The following TSTD1 variants were observed in gnomAD, a reference collection of about 807,000 sequenced individuals.
TSTD1 encodes the protein thiosulfate sulfurtransferase like domain containing 1.
In TSTD1, 7 loss-of-function variants were observed where a neutral mutation model predicts 12.6. That is an observed-to-expected ratio of 0.55 (90% CI 0.32 to 1.04). TSTD1 has a LOEUF of 1.04. Ranked by LOEUF, TSTD1 falls within the 50% of genes least tolerant of loss-of-function variation. The pLI is 0.05. For synonymous variants in TSTD1, 73 were observed against 59.7 expected, an observed-to-expected ratio of 1.22 and a Z score of -1.03; for missense variants, 156 against 151.0, an observed-to-expected ratio of 1.03 and a Z score of -0.17.
In TSTD1 at chr1:161,038,599, G is replaced by C. The variant is rs1650334151; in HGVS notation, c.85C>G (p.Arg29Gly). ...ATGGTCCCAGCTGCCGCCTCCTCGC[G>C]AGAGCGCACGTCGAAGAGCCGGGCC... Reference protein sequence around the residue: ...GRARLFDVRSREEAAAGTIPG... With the variant: ...GRARLFDVRSGEEAAAGTIPG... The change falls in exon 2 of 4, where the codon CGC becomes GGC. Residue 29 changes from arginine to glycine, a missense_variant. Physicochemically the swap from Arg to Gly is moderately radical, Grantham distance 125. Coordinates refer to ENST00000423014, the MANE Select transcript of TSTD1 (RefSeq NM_001113207.2). 2 of 1,550,306 alleles carry C rather than the reference G, an allele frequency of 1.3e-6. No individual in the cohort carries two copies. The highest frequency in any genetic ancestry group is 8.7e-7 in the Non-Finnish European group (1 of 1,145,902).
At position 161,038,555 on chromosome 1, in the gene TSTD1, G is replaced by A. The variant is rs752669077; in HGVS notation, c.129C>T (p.Ile43=). The part of the protein sequence containing the change: ...AAGTIPGALN[I]PVSELESALQ... Reference sequence around the variant, plus strand: ...CGTCCCCTCTCCACCCTATACCCGGGATGTTGAGCGCCCCTGGGATGGTCC... The same window carrying A: ...CGTCCCCTCTCCACCCTATACCCGGAATGTTGAGCGCCCCTGGGATGGTCC... Residue 43 remains isoleucine, a synonymous_variant, in exon 2 of 4, where the codon ATC becomes ATT. Transcript: ENST00000423014. The A allele has an allele frequency of 1.9e-6, 3 of 1,541,290 alleles. No homozygotes were observed. The highest frequency in any genetic ancestry group is 2.7e-5 in the African/African-American group (2 of 72,838).
In TSTD1 at chr1:161,038,867, C is replaced by T. The variant is rs1216330508; in HGVS notation, c.10+13G>A. 26 of 1,549,702 alleles carry T rather than the reference C, an allele frequency of 1.7e-5. No individual in the cohort carries two copies. The highest frequency in any genetic ancestry group is 1.3e-5 in the Non-Finnish European group (15 of 1,145,690). On this transcript the variant is annotated intron_variant, in intron 1 of 3. Coordinates refer to ENST00000423014, the MANE Select transcript of TSTD1 (RefSeq NM_001113207.2). ...CCAAGAGAACCGCGGCCCCAGGAAT[C>T]CCCCGCAGGTACCTCCAGCCATGGT...
At position 161,037,834 on chromosome 1, in the gene TSTD1, G is replaced by A; in HGVS notation, c.297-8C>T. 1 of 1,551,784 alleles carries A rather than the reference G, an allele frequency of 6.4e-7. No individual in the cohort carries two copies. The highest frequency in any genetic ancestry group is 1.2e-5 in the South Asian group (1 of 84,066). ...CCAGCGTAGTTGCGAGCCCTGTGGA[G>A]ACAAAGAAGCGTGAGAGACTGACAG... On this transcript the variant is annotated splice_region_variant and splice_polypyrimidine_tract_variant and intron_variant, in intron 3 of 3. Coordinates refer to ENST00000423014, the MANE Select transcript of TSTD1 (RefSeq NM_001113207.2).
At chr1:161,038,358 G>T in intron 2 of TSTD1, 193 bp downstream of exon 2, 1 of 746,544 alleles carries the variant, frequency 1.3e-6, no homozygotes, top group Non-Finnish European at 2.1e-6. Flanking sequence ...TTCTCAAACT[G>T]GATGGGCCAG....
chr1:161,038,892 T>A lies in TSTD1; in HGVS notation c.-3A>T. 6.4e-7 allele frequency: 1 copy of A among 1,550,714 alleles called. No individual in the cohort carries two copies. The highest frequency in any genetic ancestry group is 1.4e-5 in the African/African-American group (1 of 73,112). On this transcript the variant is annotated 5_prime_UTR_variant, in exon 1 of 4. Coordinates refer to ENST00000423014, the MANE Select transcript of TSTD1 (RefSeq NM_001113207.2). Reference sequence around the variant, plus strand: ...CCCCCGCAGGTACCTCCAGCCATGGTGCGCGTAGCAACCGCGAGTCTCCGG... The same window carrying A: ...CCCCCGCAGGTACCTCCAGCCATGGAGCGCGTAGCAACCGCGAGTCTCCGG...
Position 161,038,903 on chromosome 1 carries a change from A to G in TSTD1, c.-14T>C, listed in dbSNP as rs1160729226. ...ACCTCCAGCCATGGTGCGCGTAGCA[A>G]CCGCGAGTCTCCGGAGTGCGGCCCT... On this transcript the variant is annotated 5_prime_UTR_variant, in exon 1 of 4. Transcript: ENST00000423014. 2 of 1,550,628 alleles carry G rather than the reference A, an allele frequency of 1.3e-6. No homozygotes were observed. Among genetic ancestry groups the G allele is most frequent in the African/African-American group, 1.4e-5 (1 of 73,110 alleles).
rs755103276 is a variant in TSTD1 at position 161,037,814 on chromosome 1, G to A, written c.309C>T (p.Tyr103=). 4 of 1,551,768 alleles carry A rather than the reference G, an allele frequency of 2.6e-6. No individual in the cohort carries two copies. The highest frequency in any genetic ancestry group is 1.2e-5 in the South Asian group (1 of 84,062). Residue 103 remains tyrosine, a synonymous_variant, in exon 4 of 4, where the codon TAC becomes TAT. Coordinates refer to ENST00000423014, the MANE Select transcript of TSTD1 (RefSeq NM_001113207.2). ...CCAACCATTCTCTATAGGCTCCAGC[G>A]TAGTTGCGAGCCCTGTGGAGACAAA... ...RSLGYTGARN[Y]AGAYREWLEK... is the part of the protein sequence containing the mutation.
At position 161,038,955 on chromosome 1, in the gene TSTD1, T is replaced by C. The variant is rs948352482; in HGVS notation, c.-66A>G. The C allele has an allele frequency of 1.4e-5, 22 of 1,546,348 alleles. No individual in the cohort carries two copies. The highest frequency in any genetic ancestry group is 1.7e-5 in the Non-Finnish European group (20 of 1,143,400). On this transcript the variant is annotated 5_prime_UTR_variant, in exon 1 of 4. It removes an upstream start codon present in the reference 5' UTR. Transcript: ENST00000423014. Reference sequence around the variant, plus strand: ...GCCCGCCCTCTCGGCGCCTGCAACATCTCCCGTTCCCTCCCAGAGCTGAGA... The same window carrying C: ...GCCCGCCCTCTCGGCGCCTGCAACACCTCCCGTTCCCTCCCAGAGCTGAGA...
intron 2 of TSTD1, 66 bp from the exon 3 acceptor site, chr1:161,038,141 T>C: frequency 1.3e-6 from 2 of 1,504,248 alleles, no homozygotes; most frequent in Non-Finnish European, 1.8e-6. Context: ...AAGCTGGGCC[T>C]GGAAGGGCTG....
chr1:161,038,653 C>T lies in TSTD1; in HGVS notation c.31G>A (p.Glu11Lys), dbSNP rs1456017749. ...CCGGAGGCTAGGAGTGAACGGAGTT[C>T]AGGAAGCGAGACCGTGGGCGCTGAG... MAGAPTVSLP[E>K]LRSLLASGRA... The change falls in exon 2 of 4, where the codon GAA becomes AAA. Residue 11 changes from glutamate (E) to lysine (K), a missense_variant. Glu to Lys is a moderately conservative substitution (Grantham distance 56). Coordinates refer to ENST00000423014, the MANE Select transcript of TSTD1 (RefSeq NM_001113207.2). 6 of 1,548,984 alleles carry T rather than the reference C, an allele frequency of 3.9e-6. No individual in the cohort carries two copies. The highest frequency in any genetic ancestry group is 2.4e-5 in the East Asian group (1 of 40,842).
At chr1:161,038,503 T>C (rs1376824917) in intron 2 of TSTD1, 48 bp downstream of exon 2, 1 of 1,494,226 alleles carries the variant, frequency 6.7e-7, no homozygotes, top group Non-Finnish European at 9.0e-7. Context: ...AAGAACCTCC[T>C]GAACGGTCTC....
In TSTD1 at chr1:161,037,672, C is replaced by T; in HGVS notation, c.*103G>A. On this transcript the variant is annotated 3_prime_UTR_variant, in exon 4 of 4. Coordinates refer to ENST00000423014, the MANE Select transcript of TSTD1 (RefSeq NM_001113207.2). ...TTATTTGATGCTTTTGTGTGCACAA[C>T]ACTATAAGGAGTTGCCCAATTCACC... is the stretch of plus-strand genomic sequence containing the variant. The T allele has an allele frequency of 8.2e-7, 1 of 1,219,450 alleles. No individual in the cohort carries two copies. The highest frequency in any genetic ancestry group is 1.2e-6 in the Non-Finnish European group (1 of 853,514). 75.5% of individuals were successfully genotyped at this position (1,219,450 alleles called of 1,614,324 possible).
Position 161,038,166 on chromosome 1 carries a change from C to G in TSTD1, c.134-91G>C. 3 of 1,298,834 alleles carry G rather than the reference C, an allele frequency of 2.3e-6. No homozygotes were observed. In the East Asian group the frequency reaches 7.6e-5, roughly 33 times the overall value. The allele number at this position is 1,298,834 out of a possible 1,614,324, so 80.5% of individuals were successfully genotyped here. On this transcript the variant is annotated intron_variant, in intron 2 of 3. Coordinates refer to ENST00000423014, the MANE Select transcript of TSTD1 (RefSeq NM_001113207.2). Reference sequence around the variant, plus strand: ...TGGAAGGGCTGGGTCCTGGGGGCCCCCAAACAACATATGATAACCATCCCC... The same window carrying G: ...TGGAAGGGCTGGGTCCTGGGGGCCCGCAAACAACATATGATAACCATCCCC...
At chr1:161,038,337 C>G (rs1650315452) in intron 2 of TSTD1, 2 of 701,212 alleles carry the variant, frequency 2.9e-6, no homozygotes, top group Admixed American at 6.0e-5. Context: ...CTCTCCTCTC[C>G]GCCTGCTGTC....
In TSTD1 at chr1:161,037,869, G is replaced by A. The variant is rs748992778; in HGVS notation, c.297-43C>T. ...CGTGAGAGACTGACAGGAATGACAG[G>A]CAGTCCCCATCACCTCCCAGCTAGC... On this transcript the variant is annotated intron_variant, in intron 3 of 3. Coordinates refer to ENST00000423014, the MANE Select transcript of TSTD1 (RefSeq NM_001113207.2). 7.5e-5 allele frequency: 117 copies of A among 1,551,610 alleles called. 1 individual carries two copies. The highest frequency in any genetic ancestry group is 6.1e-6 in the Non-Finnish European group (7 of 1,147,012).
Position 161,038,584 on chromosome 1 carries a change from C to T in TSTD1, c.100G>A (p.Ala34Thr), listed in dbSNP as rs1308470463. The change falls in exon 2 of 4, where the codon GCT becomes ACT. Residue 34 changes from alanine to threonine, a missense_variant. Coordinates refer to ENST00000423014, the MANE Select transcript of TSTD1 (RefSeq NM_001113207.2). ...TTGAGCGCCCCTGGGATGGTCCCAG[C>T]TGCCGCCTCCTCGCGAGAGCGCACG... ...FDVRSREEAA[A>T]GTIPGALNIP... 1 of 1,549,988 alleles carries T rather than the reference C, an allele frequency of 6.5e-7. No individual in the cohort carries two copies. The highest frequency in any genetic ancestry group is 8.7e-7 in the Non-Finnish European group (1 of 1,145,664).
In TSTD1 at chr1:161,037,897, C is replaced by T; in HGVS notation, c.296+16G>A. ...GTCCCCATCACCTCCCAGCTAGCAGCCACACCTCCCCGTACCCAGTGTATC... is the reference window on the plus strand; with the variant it reads ...GTCCCCATCACCTCCCAGCTAGCAGTCACACCTCCCCGTACCCAGTGTATC... On this transcript the variant is annotated intron_variant, in intron 3 of 3. Transcript: ENST00000423014. 2 of 1,551,838 alleles carry T rather than the reference C, an allele frequency of 1.3e-6. No individual in the cohort carries two copies. The highest frequency in any genetic ancestry group is 1.7e-6 in the Non-Finnish European group (2 of 1,147,028).
chr1:161,038,942 G>C lies in TSTD1; in HGVS notation c.-53C>G, dbSNP rs1164287940. ...GAGTGCGGCCCTGGCCCGCCCTCTC[G>C]GCGCCTGCAACATCTCCCGTTCCCT... On this transcript the variant is annotated 5_prime_UTR_variant, in exon 1 of 4. Coordinates refer to ENST00000423014, the MANE Select transcript of TSTD1 (RefSeq NM_001113207.2). 1.9e-5 allele frequency: 29 copies of C among 1,547,264 alleles called. No homozygotes were observed. Among genetic ancestry groups the C allele is most frequent in the Non-Finnish European group, 2.3e-5 (26 of 1,143,742 alleles).
rs1365077480 is a variant in TSTD1 at position 161,038,669 on chromosome 1, G to T, written c.15C>A (p.Pro5=). MAGA[P]TVSLPELRSL... is the part of the protein sequence containing the mutation. ...AACGGAGTTCAGGAAGCGAGACCGT[G>T]GGCGCTGAGGAAGGGGCGCGACAGC... is the stretch of plus-strand genomic sequence containing the variant. The change falls in exon 2 of 4, where the codon CCC becomes CCA. Residue 5 remains proline (P), a synonymous_variant. Transcript: ENST00000423014. The T allele has an allele frequency of 6.5e-7, 1 of 1,543,126 alleles. No individual in the cohort carries two copies. The highest frequency in any genetic ancestry group is 2.5e-5 in the East Asian group (1 of 40,624).
Sources: gnomAD v4.1 joint callset for allele counts on GRCh38, gnomAD v4.1.1 for gene constraint, MANE v1.5 for transcripts, NCBI Gene and HGNC (gene_info 2026-07-23, HGNC 2026-07-21) for gene names.